SLC17A1: variants seen among roughly 807,000 people sequenced by gnomAD.
SLC17A1 encodes solute carrier family 17 member 1.
A neutral mutation model predicts 53.5 loss-of-function variants in SLC17A1; 51 were observed. The observed-to-expected ratio is 0.95, with a 90% CI of 0.76 to 1.20. The LOEUF (loss-of-function observed/expected upper bound fraction) is 1.20. Ranked by LOEUF, SLC17A1 falls within the 50% of genes most tolerant of loss-of-function variation. The probability of loss-of-function intolerance (pLI) is 0.00; values close to 1 mark genes in which losing one functional copy is unlikely to be tolerated. For synonymous variants in SLC17A1, 179 were observed against 198.8 expected (o/e 0.90, Z 0.84); for missense variants, 538 against 568.2 (o/e 0.95, Z 0.54).
chr6:25,804,367 A>T (rs926049025), intron 10 of SLC17A1, among the ~76,000 whole-genome samples: 1 of 152,146 alleles, frequency 6.6e-6, no homozygotes, highest in South Asian at 2.1e-4. Context: ...CTAGCAGACT[A>T]TCCCTACAAG....
intron 3 of SLC17A1, among the ~76,000 whole-genome samples, chr6:25,823,761 T>C (rs1212230322): frequency 6.6e-6 from 1 of 152,082 alleles, no homozygotes; most frequent in African/African-American, 2.4e-5. Context: ...CTTAACAGTA[T>C]TTTAAATTCT....
At chr6:25,796,340 G>A (rs1401111440) in intron 12 of SLC17A1, among the ~76,000 whole-genome samples, 1 of 151,988 alleles carries the variant, frequency 6.6e-6, no homozygotes, top group East Asian at 1.9e-4. Flanking sequence ...AGTTATGCTT[G>A]CATCTTGGCA....
intron 12 of SLC17A1, among the ~76,000 whole-genome samples, chr6:25,786,411 T>G (rs1226075644): frequency 6.6e-6 from 1 of 152,172 alleles, no homozygotes; most frequent in Non-Finnish European, 1.5e-5. Flanking sequence ...AGAAAGACAC[T>G]GACCACTGCA....
chr6:25,807,202 A>G (rs1398389196), intron 10 of SLC17A1, among the ~76,000 whole-genome samples: 1 of 152,184 alleles, frequency 6.6e-6, no homozygotes, highest in Non-Finnish European at 1.5e-5. Context: ...AAAATAAATC[A>G]TTGTAAAAAC....
intron 12 of SLC17A1, among the ~76,000 whole-genome samples, 194 bp from the exon 13 acceptor site, chr6:25,783,412 A>G (rs1001038674): frequency 2.0e-5 from 3 of 152,180 alleles, no homozygotes; most frequent in African/African-American, 7.2e-5. Flanking sequence ...CTCTGGACAT[A>G]AAAATAAATA....
intron 8 of SLC17A1, among the ~76,000 whole-genome samples, chr6:25,812,024 TA>T (rs1339988251): frequency 6.6e-6 from 1 of 152,038 alleles, no homozygotes; most frequent in Admixed American, 6.6e-5. Flanking sequence ...AAGCACTGGA[TA>T]ATAGAGGAGG....
At chr6:25,820,525 A>G (rs1021843792) in intron 3 of SLC17A1, among the ~76,000 whole-genome samples, 11 of 152,336 alleles carry the variant, frequency 7.2e-5, no homozygotes, top group Admixed American at 6.5e-5. Flanking sequence ...TATTTTTTCC[A>G]GAAATGTATT....
chr6:25,777,721 C>T, the SLC17A1 span: 1 of 529,762 alleles, frequency 1.9e-6, no homozygotes, highest in Admixed American at 3.2e-5. Flanking sequence ...CAGGATTATA[C>T]TAATCATTGG....
chr6:25,777,649 T>C, the SLC17A1 span: 1 of 310,404 alleles, frequency 3.2e-6, no homozygotes, highest in African/African-American at 2.1e-5. Flanking sequence ...TCTGACCATC[T>C]TGCATAAACA....
At chr6:25,748,479 G>A in the SLC17A1 span, among the ~76,000 whole-genome samples, 7 of 152,190 alleles carry the variant, frequency 4.6e-5, no homozygotes, top group Non-Finnish European at 1.0e-4. Flanking sequence ...AAAAATGGGA[G>A]GAGTGAAGGG....
the SLC17A1 span, chr6:25,776,498 A>G: frequency 3.4e-6 from 5 of 1,459,644 alleles, no homozygotes; most frequent in Non-Finnish European, 4.6e-6. Flanking sequence ...TGCGTATATA[A>G]AGAAAAGCCA....
At chr6:25,739,029 T>C in the SLC17A1 span, among the ~76,000 whole-genome samples, 73 of 152,320 alleles carry the variant, frequency 4.8e-4, 2 homozygotes, top group Middle Eastern at 0.01. Context: ...ACTCCCACTA[T>C]GGAACATTCA....
At chr6:25,732,045 A>G in the SLC17A1 span, 50 of 1,354,942 alleles carry the variant, frequency 3.7e-5, no homozygotes, top group Non-Finnish European at 3.4e-5. Context: ...GTAGATGTAA[A>G]TAGAATAGCT....
the SLC17A1 span, chr6:25,732,554 C>G: frequency 9.8e-6 from 6 of 612,134 alleles, no homozygotes; most frequent in African/African-American, 9.5e-5. Context: ...GCAACGATGC[C>G]GAGAGGGTCG....
chr6:25,818,878 A>G (rs987468409), intron 6 of SLC17A1, among the ~76,000 whole-genome samples, 190 bp downstream of exon 6: 7 of 152,228 alleles, frequency 4.6e-5, no homozygotes, highest in African/African-American at 1.2e-4. Context: ...ACAAAAATAC[A>G]TGTATAGTCC....
At chr6:25,776,158 T>A in the SLC17A1 span, among the ~76,000 whole-genome samples, 1 of 149,286 alleles carries the variant, frequency 6.7e-6, no homozygotes, top group Non-Finnish European at 1.5e-5. Context: ...CAAAAAAAAA[T>A]GGGTGTTTTT....
chr6:25,761,376 C>G, the SLC17A1 span, among the ~76,000 whole-genome samples: 50 of 152,296 alleles, frequency 3.3e-4, no homozygotes, highest in African/African-American at 1.1e-3. Context: ...CCCACAGGCA[C>G]TTAGATCTCA....
intron 6 of SLC17A1, among the ~76,000 whole-genome samples, chr6:25,817,005 G>A (rs529521315): frequency 1.3e-5 from 2 of 152,114 alleles, no homozygotes; most frequent in Admixed American, 6.5e-5. Flanking sequence ...CTGCCACCAC[G>A]CCCAGCTAAT....
the SLC17A1 span, among the ~76,000 whole-genome samples, chr6:25,768,090 A>G: frequency 2.0e-5 from 3 of 152,316 alleles, no homozygotes; most frequent in Non-Finnish European, 2.9e-5. Flanking sequence ...TTAATCTGTC[A>G]TATCAATATG....
Sources: allele counts gnomAD v4.1 joint callset (sites outside exome capture counted in the v4.1 genomes callset), GRCh38; gene constraint gnomAD v4.1.1; transcripts MANE v1.5; gene names NCBI Gene and HGNC (gene_info 2026-07-23, HGNC 2026-07-21).